JAM2: variants seen among roughly 807,000 people sequenced by gnomAD.
JAM2 encodes junctional adhesion molecule 2.
JAM2 carries 17 observed loss-of-function variants against 42.0 expected under a neutral mutation model. The ratio of observed to expected loss-of-function variants is 0.40; its 90% CI spans 0.28 to 0.61. The LOEUF is 0.61. Among genes scored for constraint, JAM2 ranks in the 20% least tolerant of loss-of-function variants. The probability of loss-of-function intolerance (pLI) is 0.37; values close to 1 mark genes in which losing one functional copy is unlikely to be tolerated. For missense variants in JAM2, 319 were observed against 358.3 expected, an observed-to-expected ratio of 0.89 and a Z score of 0.89; for synonymous variants, 118 against 128.6, an observed-to-expected ratio of 0.92 and a Z score of 0.56.
At chr21:25,687,713 G>A (rs138158958) in intron 2 of JAM2, among the ~76,000 whole-genome samples, 2 of 152,276 alleles carry the variant, frequency 1.3e-5, no homozygotes, top group African/African-American at 4.8e-5. Flanking sequence ...AAGGGCCTAG[G>A]CACTGGCTCT....
At chr21:25,693,409 C>T (rs1167365698) in intron 3 of JAM2, among the ~76,000 whole-genome samples, 1 of 152,120 alleles carries the variant, frequency 6.6e-6, no homozygotes, top group African/African-American at 2.4e-5. Context: ...AGGCGCCCGC[C>T]ACCACACCCA....
At chr21:25,676,078 A>G (rs984921251) in intron 1 of JAM2, among the ~76,000 whole-genome samples, 1 of 152,102 alleles carries the variant, frequency 6.6e-6, no homozygotes, top group African/African-American at 2.4e-5. Context: ...ACTTGAGGTC[A>G]GGAGTTTGAG....
chr21:25,683,620 G>A (rs2033685861), intron 1 of JAM2, among the ~76,000 whole-genome samples: 1 of 152,184 alleles, frequency 6.6e-6, no homozygotes, highest in Non-Finnish European at 1.5e-5. Context: ...GCTGGCAGGA[G>A]TGTGTTGTCT....
chr21:25,681,850 C>T (rs963430674), intron 1 of JAM2, among the ~76,000 whole-genome samples: 4 of 152,040 alleles, frequency 2.6e-5, no homozygotes, highest in Non-Finnish European at 4.4e-5. Flanking sequence ...GGCGTCGTGG[C>T]GGGCGCCTGT....
intron 4 of JAM2, among the ~76,000 whole-genome samples, chr21:25,696,151 C>G (rs570008319): frequency 2.4e-4 from 37 of 152,262 alleles, no homozygotes; most frequent in African/African-American, 7.9e-4. Context: ...CTCGGGAGGC[C>G]GAGGCTGGCA....
intron 7 of JAM2, among the ~76,000 whole-genome samples, chr21:25,707,047 T>C (rs767702830): frequency 6.6e-6 from 1 of 152,188 alleles, no homozygotes; most frequent in Non-Finnish European, 1.5e-5. Flanking sequence ...CAAGATATTT[T>C]TAAGTTAGGA....
At chr21:25,671,752 G>T in intron 1 of JAM2, among the ~76,000 whole-genome samples, 1 of 152,176 alleles carries the variant, frequency 6.6e-6, no homozygotes, top group East Asian at 1.9e-4. Context: ...CAAGCAATCT[G>T]CTGGCCTTGG....
At chr21:25,640,489 GCT>G (rs1203973181) in intron 1 of JAM2, among the ~76,000 whole-genome samples, 1 of 152,204 alleles carries the variant, frequency 6.6e-6, no homozygotes, top group Admixed American at 6.5e-5. Flanking sequence ...CTAGCCAGCT[GCT>G]CTGTCCTCAG....
intron 4 of JAM2, among the ~76,000 whole-genome samples, chr21:25,694,978 CTTTTTT>C (rs369880449): frequency 0.015 from 2,069 of 141,758 alleles, 46 homozygotes; most frequent in African/African-American, 0.051. Context: ...CTTTTTCTTT[CTTTTTT>C]TTTTTTTTAG....
chr21:25,714,593 A>T, intron 9 of JAM2, 47 bp from the exon 10 acceptor site: 1 of 1,124,826 alleles, frequency 8.9e-7, no homozygotes. Flanking sequence ...ATGTTTCTTT[A>T]AATATGAATT....
intron 1 of JAM2, among the ~76,000 whole-genome samples, chr21:25,682,400 A>C (rs932541100): frequency 6.6e-6 from 1 of 152,202 alleles, no homozygotes; most frequent in Non-Finnish European, 1.5e-5. Context: ...TGAATATTGA[A>C]TTTTACAGCA....
chr21:25,646,485 A>G (rs770900665), intron 1 of JAM2, among the ~76,000 whole-genome samples: 2 of 152,000 alleles, frequency 1.3e-5, no homozygotes, highest in African/African-American at 2.4e-5. Flanking sequence ...CACCCTTAGA[A>G]TGGTCATTTT....
chr21:25,677,775 G>C (rs1221873506), intron 1 of JAM2, among the ~76,000 whole-genome samples: 2 of 152,148 alleles, frequency 1.3e-5, no homozygotes, highest in Non-Finnish European at 2.9e-5. Context: ...TCTCTAAAAA[G>C]TGTAATAAAA....
intron 1 of JAM2, among the ~76,000 whole-genome samples, chr21:25,682,131 C>A (rs2033647206): frequency 6.6e-6 from 1 of 152,214 alleles, no homozygotes; most frequent in South Asian, 2.1e-4. Flanking sequence ...TGCTTTATGC[C>A]AGGCACTGTT....
At chr21:25,649,558 G>C (rs2032713484) in intron 1 of JAM2, among the ~76,000 whole-genome samples, 1 of 152,154 alleles carries the variant, frequency 6.6e-6, no homozygotes, top group Admixed American at 6.5e-5. Context: ...TTCAAGATGA[G>C]ATTTGGGTGG....
At chr21:25,711,391 T>C (rs928390753) in intron 8 of JAM2, 27 of 455,948 alleles carry the variant, frequency 5.9e-5, no homozygotes, top group African/African-American at 5.4e-4. Context: ...ACTTTGGCTC[T>C]ATGGGCGTAG....
In JAM2 at chr21:25,666,317, T is replaced by G. The variant is rs188327851; in HGVS notation, c.68-17566T>G. Among the ~76,000 whole-genome samples, 403 of 149,336 alleles carry G rather than the reference T, an allele frequency of 2.7e-3. 2 individuals are homozygous for G. The highest frequency in any genetic ancestry group is 2.6e-3 in the Non-Finnish European group (175 of 67,404). On this transcript the variant is annotated intron_variant, in intron 1 of 9. Coordinates refer to ENST00000480456, the MANE Select transcript of JAM2 (RefSeq NM_021219.4). ...TTAAAAATTACATTGTTACGGCTTTTATTATTATTATTATTATTATTATTT... is the reference window on the plus strand; with the variant it reads ...TTAAAAATTACATTGTTACGGCTTTGATTATTATTATTATTATTATTATTT...
Position 25,649,920 on chromosome 21 carries a change from T to A in JAM2, c.67+10032T>A, listed in dbSNP as rs1001280932. ...GAATGGCATCACATGTGGAAACACC[T>A]GCAGGAGCAGCAAGCAAGTATGTGC... is the stretch of plus-strand genomic sequence containing the variant. On this transcript the variant is annotated intron_variant, in intron 1 of 9. Transcript: ENST00000480456. Among the ~76,000 whole-genome samples the A allele has an allele frequency of 4.4e-4, 67 of 152,206 alleles. 1 individual carries two copies. The highest frequency in any genetic ancestry group is 4.4e-3 in the Admixed American group (67 of 15,282).
At chr21:25,681,704 C>T (rs946180172) in intron 1 of JAM2, among the ~76,000 whole-genome samples, 2 of 152,134 alleles carry the variant, frequency 1.3e-5, no homozygotes, top group Admixed American at 6.5e-5. Flanking sequence ...CTTGCCTGGC[C>T]GGGCACAGTG....
Sources: allele counts gnomAD v4.1 joint callset (sites outside exome capture counted in the v4.1 genomes callset), GRCh38; gene constraint gnomAD v4.1.1; transcripts MANE v1.5; gene names NCBI Gene and HGNC (gene_info 2026-07-23, HGNC 2026-07-21).